Variants in ZNF407 observed in about 807,000 individuals in gnomAD.
ZNF407 encodes the protein zinc finger protein 407.
Under a neutral mutation model 131.2 loss-of-function variants are expected in ZNF407, and 17 were observed. The observed-to-expected ratio is 0.13, with a 90% confidence interval of 0.09 to 0.19. The LOEUF is 0.19. ZNF407 is among the 10% of genes least tolerant of loss of function. The pLI, the probability that ZNF407 is intolerant of heterozygous loss-of-function variation, is 1.00. For synonymous variants in ZNF407, 1,156 were observed against 1,062.0 expected, an observed-to-expected ratio of 1.09 and a Z score of -1.72; for missense variants, 2,681 against 2,830.6, an observed-to-expected ratio of 0.95 and a Z score of 1.20.
At chr18:74,947,218 G>C (rs1273029936) in intron 8 of ZNF407, among the ~76,000 whole-genome samples, 2 of 152,074 alleles carry the variant, frequency 1.3e-5, no homozygotes, top group Non-Finnish European at 2.9e-5. Context: ...TTCTAACAAG[G>C]CTCTTTTATG....
Position 74,632,436 on chromosome 18 carries a change from G to A in ZNF407, c.1417G>A (p.Ala473Thr), listed in dbSNP as rs766835716. The A allele has an allele frequency of 6.2e-7, 1 of 1,613,918 alleles. No individual in the cohort carries two copies. Among genetic ancestry groups the A allele is most frequent in the African/African-American group, 1.3e-5 (1 of 74,956 alleles). ...GAGAACACAGATGAAAACACACGAT[G>A]CAGAATCAGTGCTGAAACACCTGGA... Reference protein sequence around the residue: ...HLRTQMKTHDAESVLKHLEAC... With the variant: ...HLRTQMKTHDTESVLKHLEAC... The change falls in exon 2 of 9, where the codon GCA (alanine) becomes ACA (threonine). Residue 473 changes from alanine (A) to threonine (T), a missense_variant. Around this residue, in one of 6 missense-constraint regions of ZNF407, gnomAD observed 1,789 missense variants for 1,748.7 expected, o/e 1.02. Transcript: ENST00000299687.
At chr18:75,017,176 A>G (rs1973054515) in intron 8 of ZNF407, among the ~76,000 whole-genome samples, 1 of 152,154 alleles carries the variant, frequency 6.6e-6, no homozygotes, top group Non-Finnish European at 1.5e-5. Flanking sequence ...TACCATTACT[A>G]TGACTAATTA....
intron 8 of ZNF407, among the ~76,000 whole-genome samples, chr18:74,928,552 T>A (rs186222644): frequency 1.4e-4 from 22 of 152,342 alleles, no homozygotes; most frequent in Non-Finnish European, 3.1e-4. Context: ...TCCAGGGCCA[T>A]TTCAAAGTAT....
intron 1 of ZNF407, among the ~76,000 whole-genome samples, chr18:74,606,081 C>CGGGCCT (rs1234191692): frequency 6.6e-6 from 1 of 152,190 alleles, no homozygotes; most frequent in Non-Finnish European, 1.5e-5. Flanking sequence ...TCACTAGCGG[C>CGGGCCT]GGGCCTGGGC....
intron 3 of ZNF407, among the ~76,000 whole-genome samples, chr18:74,778,489 G>GA (rs1969521125): frequency 6.6e-6 from 1 of 150,726 alleles, no homozygotes; most frequent in South Asian, 2.1e-4. Flanking sequence ...ATATTTTACT[G>GA]TTTTTTTTTC....
chr18:74,848,350 T>C (rs1970730936), intron 4 of ZNF407, among the ~76,000 whole-genome samples: 1 of 152,158 alleles, frequency 6.6e-6, no homozygotes, highest in Non-Finnish European at 1.5e-5. Flanking sequence ...TTTTGGAGTT[T>C]CTTGAAGGAA....
At chr18:74,775,130 G>C (rs1969441915) in intron 3 of ZNF407, among the ~76,000 whole-genome samples, 1 of 152,170 alleles carries the variant, frequency 6.6e-6, no homozygotes, top group African/African-American at 2.4e-5. Context: ...AATTAGATAT[G>C]AAGTTGTTTA....
intron 3 of ZNF407, among the ~76,000 whole-genome samples, chr18:74,707,732 T>TTTA (rs1967660569): frequency 6.6e-6 from 1 of 152,232 alleles, no homozygotes. Context: ...CTCAATGTAT[T>TTTA]ATCTGTTGAT....
intron 7 of ZNF407, among the ~76,000 whole-genome samples, chr18:74,902,877 A>C (rs1006869816): frequency 5.3e-5 from 8 of 152,298 alleles, no homozygotes; most frequent in African/African-American, 1.4e-4. Context: ...AAGAGCTCCC[A>C]AAAAATGAAC....
At chr18:74,923,334 TA>T (rs1327841500) in intron 8 of ZNF407, among the ~76,000 whole-genome samples, 2 of 151,734 alleles carry the variant, frequency 1.3e-5, no homozygotes, top group Non-Finnish European at 2.9e-5. Context: ...ATTGAACTAA[TA>T]ATGCAAATCC....
In ZNF407 at chr18:74,632,718, A is replaced by T; in HGVS notation, c.1699A>T (p.Met567Leu). ...FYCRTCDFSS[M>L]SRRDLDEHLH... is the part of the protein sequence containing the mutation. ...CTGCCGTACTTGTGACTTCTCTAGT[A>T]TGTCAAGAAGGGACTTAGATGAACA... is the stretch of plus-strand genomic sequence containing the variant. Residue 567 changes from methionine (M) to leucine (L), a missense_variant, in exon 2 of 9, where the codon ATG becomes TTG. Transcript: ENST00000299687. 1 of 1,614,062 alleles carries T rather than the reference A, an allele frequency of 6.2e-7. No individual in the cohort carries two copies. The highest frequency in any genetic ancestry group is 8.5e-7 in the Non-Finnish European group (1 of 1,179,904).
Position 75,064,143 on chromosome 18 carries a change from A to T in ZNF407, c.6422A>T (p.Glu2141Val). The change falls in exon 9 of 9, where the codon GAG (glutamate) becomes GTG (valine). Residue 2141 changes from glutamate to valine, a missense_variant. Glu to Val is a moderately radical substitution (Grantham distance 121, BLOSUM62 -2). Around this residue, in one of 6 missense-constraint regions of ZNF407, gnomAD observed 620 missense variants for 583.1 expected, o/e 1.06. Transcript: ENST00000299687. ...ATGGATCTGGTGGAGTCCGACGGGG[A>T]GATCTCGCAGATCATCGTGACGGAG... is the stretch of plus-strand genomic sequence containing the variant. ...EHMDLVESDG[E>V]ISQIIVTEEL... 6.2e-7 allele frequency: 1 copy of T among 1,602,808 alleles called. No homozygotes were observed. The highest frequency in any genetic ancestry group is 8.5e-7 in the Non-Finnish European group (1 of 1,174,868).
At chr18:75,041,870 G>A (rs536199959) in intron 8 of ZNF407, among the ~76,000 whole-genome samples, 1 of 152,266 alleles carries the variant, frequency 6.6e-6, no homozygotes, top group Admixed American at 6.5e-5. Flanking sequence ...GACCGCCTCC[G>A]ATGTCACAAA....
chr18:75,025,462 A>G (rs1234787688), intron 8 of ZNF407, among the ~76,000 whole-genome samples: 1 of 152,232 alleles, frequency 6.6e-6, no homozygotes, highest in Non-Finnish European at 1.5e-5. Flanking sequence ...GAATATCAGC[A>G]TAGGGTTATA....
intron 8 of ZNF407, among the ~76,000 whole-genome samples, chr18:74,957,219 G>A (rs1194042892): frequency 1.3e-5 from 2 of 152,028 alleles, no homozygotes; most frequent in African/African-American, 4.8e-5. Flanking sequence ...TGCCCCGTGA[G>A]GTTGTCGTTC....
intron 8 of ZNF407, among the ~76,000 whole-genome samples, chr18:74,938,711 A>G (rs938427237): frequency 6.6e-5 from 10 of 152,220 alleles, no homozygotes; most frequent in Admixed American, 6.5e-4. Flanking sequence ...GGAATTAAGA[A>G]CTACAAGGGA....
Position 75,010,732 on chromosome 18 carries a change from A to G in ZNF407, c.5429-52418A>G, listed in dbSNP as rs957530395. 2.0e-5 allele frequency among the ~76,000 whole-genome samples: 3 copies of G among 152,258 alleles called. No individual in the cohort carries two copies. In the South Asian group the frequency reaches 6.2e-4, roughly 32 times the overall value. On this transcript the variant is annotated intron_variant, in intron 8 of 8. Coordinates refer to ENST00000299687, the MANE Select transcript of ZNF407 (RefSeq NM_017757.3). ...GTCTTGTTTTACTTGAGAACTTGGG[A>G]GTACTTTTTGGTGCATATGTCTCTC...
At chr18:74,711,254 A>G (rs1433884857) in intron 3 of ZNF407, among the ~76,000 whole-genome samples, 1 of 152,190 alleles carries the variant, frequency 6.6e-6, no homozygotes, top group African/African-American at 2.4e-5. Flanking sequence ...AAGAGTGTCC[A>G]TGTCCTCATC....
chr18:74,752,013 C>G (rs1416330756), intron 3 of ZNF407, among the ~76,000 whole-genome samples: 1 of 152,204 alleles, frequency 6.6e-6, no homozygotes, highest in African/African-American at 2.4e-5. Context: ...TCCTATTTCT[C>G]CATATCCTCT....
Sources: gnomAD v4.1 joint callset for allele counts (sites outside exome capture counted in the v4.1 genomes callset) on GRCh38, gnomAD v4.1.1 for gene constraint, gnomAD v4.1.1 regional missense constraint, MANE v1.5 for transcripts, NCBI Gene and HGNC (gene_info 2026-07-23, HGNC 2026-07-21) for gene names.